PHACTR1: variants seen among roughly 807,000 people sequenced by gnomAD.
PHACTR1 encodes the protein RPEL repeat containing 1.
Under a neutral mutation model 69.2 loss-of-function variants are expected in PHACTR1, and 16 were observed. The ratio of observed to expected loss-of-function variants is 0.23; its 90% confidence interval spans 0.16 to 0.35. The LOEUF (loss-of-function observed/expected upper bound fraction) is 0.35. Among genes scored for constraint, PHACTR1 ranks in the 10% least tolerant of loss-of-function variants. PHACTR1 has a pLI of 1.00. For synonymous variants in PHACTR1, 312 were observed against 284.5 expected, an observed-to-expected ratio of 1.10 and a Z score of -0.97; for missense variants, 510 against 734.7, an observed-to-expected ratio of 0.69 and a Z score of 3.54.
At chr6:13,229,939 G>T in intron 9 of PHACTR1, 98 bp from the exon 10 acceptor site, 1 of 1,370,588 alleles carries the variant, frequency 7.3e-7, no homozygotes, top group Non-Finnish European at 9.8e-7. Context: ...AAACCTTGAT[G>T]ACTTCCTTCC....
At chr6:12,832,090 A>G (rs1412711056) in intron 4 of PHACTR1, among the ~76,000 whole-genome samples, 2 of 152,154 alleles carry the variant, frequency 1.3e-5, no homozygotes, top group African/African-American at 4.8e-5. Flanking sequence ...CCTGGGTGAC[A>G]GAACAAGACC....
intron 5 of PHACTR1, among the ~76,000 whole-genome samples, chr6:13,096,047 C>G (rs545322770): frequency 6.1e-4 from 93 of 152,078 alleles, no homozygotes; most frequent in African/African-American, 2.1e-3. Context: ...CTCCTTTGAG[C>G]TCCCTGTTTT....
At chr6:12,934,562 G>T (rs777550516) in intron 4 of PHACTR1, among the ~76,000 whole-genome samples, 4 of 152,212 alleles carry the variant, frequency 2.6e-5, no homozygotes, top group African/African-American at 4.8e-5. Flanking sequence ...AGGGCCGGGT[G>T]TGGTGGCTCA....
chr6:13,134,324 T>A (rs549659254), intron 5 of PHACTR1, among the ~76,000 whole-genome samples: 1 of 152,356 alleles, frequency 6.6e-6, no homozygotes, highest in South Asian at 2.1e-4. Context: ...GGGTCCATGA[T>A]GACGATGGCG....
intron 3 of PHACTR1, among the ~76,000 whole-genome samples, chr6:12,735,457 C>T (rs935626041): frequency 1.3e-5 from 2 of 152,306 alleles, no homozygotes; most frequent in African/African-American, 4.8e-5. Context: ...TACCACAATA[C>T]AAACGTTTTT....
chr6:13,194,157 T>C (rs1228560304), intron 7 of PHACTR1, among the ~76,000 whole-genome samples: 2 of 152,156 alleles, frequency 1.3e-5, no homozygotes, highest in Non-Finnish European at 2.9e-5. Context: ...GTAATCCCAG[T>C]ACTTTGGGAG....
At chr6:13,041,339 T>TACATACATACACACACAC (rs1554113082) in intron 4 of PHACTR1, among the ~76,000 whole-genome samples, 6 of 135,366 alleles carry the variant, frequency 4.4e-5, no homozygotes, top group Admixed American at 1.5e-4. Context: ...TTAAAATACA[T>TACATACATACACACACAC]ACACACACAC....
intron 5 of PHACTR1, among the ~76,000 whole-genome samples, chr6:13,152,204 G>A (rs1434886174): frequency 6.6e-6 from 1 of 151,978 alleles, no homozygotes; most frequent in Non-Finnish European, 1.5e-5. Flanking sequence ...CGTGGTGGTG[G>A]GTGCCTGTAG....
In PHACTR1 at chr6:13,050,757, T is replaced by G. The variant is rs142201648; in HGVS notation, c.251-2608T>G. ...AGTTCTTGTCCCCATTGAGCTGCCA[T>G]CCTATTCTGCTTCTTCCTTTATCAT... is the stretch of plus-strand genomic sequence containing the variant. On this transcript the variant is annotated intron_variant, in intron 4 of 14. Coordinates refer to ENST00000332995, the MANE Select transcript of PHACTR1 (RefSeq NM_030948.6). Among the ~76,000 whole-genome samples, 1,037 of 152,356 alleles carry G rather than the reference T, an allele frequency of 6.8e-3. 13 individuals are homozygous for G. Among genetic ancestry groups the G allele is most frequent in the African/African-American group, 0.023 (945 of 41,584 alleles).
At chr6:12,921,833 G>GGGAGAGAGGGAGGGAGGGAGGGAC (rs1787750462) in intron 4 of PHACTR1, among the ~76,000 whole-genome samples, 5 of 46,936 alleles carry the variant, frequency 1.1e-4, no homozygotes, top group Admixed American at 4.3e-4. Flanking sequence ...AAGGAAGGAA[G>GGGAGAGAGGGAGGGAGGGAGGGAC]GGAGGGAGAG....
intron 5 of PHACTR1, among the ~76,000 whole-genome samples, chr6:13,114,093 C>G (rs904385791): frequency 6.6e-6 from 1 of 152,172 alleles, no homozygotes; most frequent in Non-Finnish European, 1.5e-5. Flanking sequence ...GTTGCTGGTG[C>G]TCCTTCATCC....
At chr6:13,243,500 AG>A (rs144438632) in intron 10 of PHACTR1, among the ~76,000 whole-genome samples, 2,792 of 152,242 alleles carry the variant, frequency 0.018, 35 homozygotes, top group Middle Eastern at 0.037. Context: ...TATCTCATCT[AG>A]GCCTTTCAGA....
intron 4 of PHACTR1, among the ~76,000 whole-genome samples, chr6:12,887,503 C>A (rs1369313940): frequency 6.6e-6 from 1 of 152,216 alleles, no homozygotes; most frequent in African/African-American, 2.4e-5. Context: ...CCCTTATCAT[C>A]TAGCAGCGTC....
intron 4 of PHACTR1, among the ~76,000 whole-genome samples, chr6:12,828,712 CA>C (rs1314286613): frequency 1.3e-5 from 2 of 151,358 alleles, no homozygotes; most frequent in East Asian, 3.9e-4. Flanking sequence ...TTGTAATAAA[CA>C]AAAACCGACC....
At chr6:13,088,094 A>G (rs58250302) in intron 5 of PHACTR1, among the ~76,000 whole-genome samples, 13,400 of 152,118 alleles carry the variant, frequency 0.088, 1,974 homozygotes, top group African/African-American at 0.3. Context: ...CTTGAGGTCC[A>G]ACCCAGAAAA....
chr6:13,213,811 A>G (rs1569418), intron 8 of PHACTR1, among the ~76,000 whole-genome samples: 14,168 of 152,216 alleles, frequency 0.093, 941 homozygotes, highest in Admixed American at 0.23. Flanking sequence ...TGGACTTTCC[A>G]GCCCCGACAA....
intron 4 of PHACTR1, among the ~76,000 whole-genome samples, chr6:12,991,500 C>T (rs1030496355): frequency 6.6e-6 from 1 of 152,192 alleles, no homozygotes. Flanking sequence ...GAAAAGTGGT[C>T]TTATGCAGTT....
At chr6:12,755,034 C>G (rs576529751) in intron 4 of PHACTR1, among the ~76,000 whole-genome samples, 1 of 152,300 alleles carries the variant, frequency 6.6e-6, no homozygotes, top group African/African-American at 2.4e-5. Flanking sequence ...ATGGGAAGCA[C>G]TTTCCCATAA....
intron 5 of PHACTR1, among the ~76,000 whole-genome samples, chr6:13,109,856 G>GTGTC (rs1554130097): frequency 3.2e-4 from 48 of 150,672 alleles, no homozygotes; most frequent in Admixed American, 4.0e-4. Flanking sequence ...GTGTGTGTGT[G>GTGTC]TGTGTGTCTG....
Sources: allele counts gnomAD v4.1 joint callset (sites outside exome capture counted in the v4.1 genomes callset), GRCh38; gene constraint gnomAD v4.1.1; transcripts MANE v1.5; gene names NCBI Gene and HGNC (gene_info 2026-07-23, HGNC 2026-07-21).